Variants in NRAP observed in about 807,000 individuals in gnomAD.
NRAP encodes the protein nebulin-related-anchoring protein.
NRAP carries 189 observed loss-of-function variants against 225.9 expected under a neutral mutation model. That is an observed-to-expected ratio of 0.84 (90% CI 0.74 to 0.94). The LOEUF (loss-of-function observed/expected upper bound fraction) is 0.94. Ranked by LOEUF, NRAP falls within the 40% of genes least tolerant of loss-of-function variation. NRAP has a pLI of 0.00. For synonymous variants in NRAP, 769 were observed against 790.7 expected (o/e 0.97, Z 0.46); for missense variants, 2,176 against 2,168.7 (o/e 1.00, Z -0.07).
intron 31 of NRAP, 46 bp downstream of exon 31, chr10:113,610,413 T>C (rs779453960): frequency 2.3e-6 from 2 of 886,428 alleles, no homozygotes; most frequent in Non-Finnish European, 3.8e-6. Flanking sequence ...GATTATCCTC[T>C]GCTGTGGAAA....
In NRAP at chr10:113,650,044, T is replaced by C; in HGVS notation, c.881A>G (p.Tyr294Cys). The change falls in exon 9 of 42, where the codon TAT becomes TGT. Residue 294 changes from tyrosine (Y) to cysteine (C), a missense_variant. Tyr to Cys is a radical substitution (Grantham distance 194, BLOSUM62 -2). This residue lies in a region of NRAP where 1,708 missense variants were observed against 1,695.5 expected (regional missense o/e 1.01). Coordinates refer to ENST00000359988, the MANE Select transcript of NRAP (RefSeq NM_198060.4). ...GILTRECADQ[Y>C]GQGYPEEYEE... ...GATCATTTTATCACATACCTGGCCA[T>C]ATTGGTCTGCACATTCCCTTGTCAA... 1 of 1,577,776 alleles carries C rather than the reference T, an allele frequency of 6.3e-7. No homozygotes were observed. Among genetic ancestry groups the C allele is most frequent in the Non-Finnish European group, 8.7e-7 (1 of 1,147,040 alleles).
In NRAP at chr10:113,647,079, G is replaced by T. The variant is rs750300729; in HGVS notation, c.889-52C>A. On this transcript the variant is annotated intron_variant, in intron 9 of 41. Coordinates refer to ENST00000359988, the MANE Select transcript of NRAP (RefSeq NM_198060.4). ...GAGTAATGCTTCCCTCCCCAGATGGGTGGGGTTCAGCAATGGTCACTCATA... is the reference window on the plus strand; with the variant it reads ...GAGTAATGCTTCCCTCCCCAGATGGTTGGGGTTCAGCAATGGTCACTCATA... The T allele has an allele frequency of 6.9e-6, 8 of 1,161,716 alleles. No individual in the cohort carries two copies. The Admixed American group carries it at 1.3e-4, about 20-fold the overall frequency. 72.0% of individuals were successfully genotyped at this position (1,161,716 alleles called of 1,614,324 possible). A position where few individuals can be genotyped will look rare whatever the true frequency, so the allele number is the denominator to read the frequency against.
chr10:113,612,726 C>T (rs1253817522), intron 29 of NRAP, among the ~76,000 whole-genome samples: 1 of 152,182 alleles, frequency 6.6e-6, no homozygotes, highest in Non-Finnish European at 1.5e-5. Flanking sequence ...CAGTGATTCC[C>T]TTGCTCAAAT....
chr10:113,589,925 A>C, intron 40 of NRAP, 128 bp from the exon 41 acceptor site: 1 of 1,027,732 alleles, frequency 9.7e-7, no homozygotes, highest in Non-Finnish European at 1.4e-6. Context: ...TAAAGCCAGA[A>C]CAAGGGGAAC....
intron 22 of NRAP, 83 bp downstream of exon 22, chr10:113,624,743 G>A: frequency 1.1e-6 from 1 of 907,896 alleles, no homozygotes; most frequent in Non-Finnish European, 1.8e-6. Flanking sequence ...CAGACACTAT[G>A]CCATGGCTGG....
intron 9 of NRAP, among the ~76,000 whole-genome samples, chr10:113,647,458 A>G (rs980635188): frequency 6.7e-6 from 1 of 150,306 alleles, no homozygotes; most frequent in Non-Finnish European, 1.5e-5. Flanking sequence ...CCCCGGTGGT[A>G]CTGCCTCCCC....
chr10:113,663,307 A>G, intron 2 of NRAP, 45 bp downstream of exon 2: 4 of 1,171,234 alleles, frequency 3.4e-6, no homozygotes, highest in Non-Finnish European at 5.1e-6. Context: ...TTGTTGAAAA[A>G]CAAATAAAAC....
chr10:113,624,889 A>G lies in NRAP; in HGVS notation c.2286T>C (p.Tyr762=). 6.2e-7 allele frequency: 1 copy of G among 1,614,044 alleles called. No homozygotes were observed. Among genetic ancestry groups the G allele is most frequent in the Non-Finnish European group, 8.5e-7 (1 of 1,179,952 alleles). The change falls in exon 22 of 42, where the codon TAT becomes TAC. Residue 762 remains tyrosine, a synonymous_variant. Coordinates refer to ENST00000359988, the MANE Select transcript of NRAP (RefSeq NM_198060.4). ...KAGNEQSVHQ[Y]TISKDEPLFL... ...AGAGAGGCTCGTCTTTGCTGATGGTATACTGATGGACAGACTGCTCATTTC... is the reference window on the plus strand; with the variant it reads ...AGAGAGGCTCGTCTTTGCTGATGGTGTACTGATGGACAGACTGCTCATTTC...
In NRAP at chr10:113,662,777, T is replaced by C; in HGVS notation, c.168-11A>G. The C allele has an allele frequency of 7.0e-7, 1 of 1,418,818 alleles. No individual in the cohort carries two copies. The highest frequency in any genetic ancestry group is 9.9e-7 in the Non-Finnish European group (1 of 1,007,828). The allele number at this position is 1,418,818 out of a possible 1,614,324, so 87.9% of individuals were successfully genotyped here. On this transcript the variant is annotated splice_polypyrimidine_tract_variant and intron_variant, in intron 2 of 41. Transcript: ENST00000359988. ...TTCTTAGGGTTATGGCTACAACAAA[T>C]AGGTATAAATCAAAATTAGAAATGT... is the stretch of plus-strand genomic sequence containing the variant.
chr10:113,589,766 C>CGTGT lies in NRAP; in HGVS notation c.4987_4988insACAC (p.Arg1663AsnfsTer57). On this transcript the variant is annotated frameshift_variant, in exon 41 of 42. Transcript: ENST00000359988. LOFTEE classifies it high-confidence loss of function. The stretch of plus-strand genomic sequence containing the variant: ...GCCAGGAGGGGTCCAGCCAACACCT[C>CGTGT]TGGTCAGGTTCAAGTCTGATTTATA... 4 of 1,614,128 alleles carry CGTGT rather than the reference C, an allele frequency of 2.5e-6. No individual in the cohort carries two copies. Among genetic ancestry groups the CGTGT allele is most frequent in the Non-Finnish European group, 3.4e-6 (4 of 1,180,022 alleles).
intron 3 of NRAP, among the ~76,000 whole-genome samples, chr10:113,657,911 G>T (rs1850406549): frequency 6.6e-6 from 1 of 152,200 alleles, no homozygotes; most frequent in South Asian, 2.1e-4. Flanking sequence ...TTTTAGTCAT[G>T]TAACCATCAC....
chr10:113,608,336 C>T (rs1033049081), intron 32 of NRAP, 78 bp downstream of exon 32: 3 of 884,670 alleles, frequency 3.4e-6, no homozygotes, highest in African/African-American at 1.7e-5. Flanking sequence ...TCTTTCTCAC[C>T]CCAAACACAT....
chr10:113,603,565 G>A (rs1315510353), intron 35 of NRAP, among the ~76,000 whole-genome samples: 1 of 152,132 alleles, frequency 6.6e-6, no homozygotes, highest in Non-Finnish European at 1.5e-5. Flanking sequence ...AAAAGCAAAG[G>A]CGAGCAGTCA....
chr10:113,612,574 G>C, intron 29 of NRAP, 143 bp from the exon 30 acceptor site: 1 of 658,316 alleles, frequency 1.5e-6, no homozygotes, highest in East Asian at 2.7e-5. Context: ...TTCTTGCAGA[G>C]ACTGGCCTAA....
chr10:113,605,480 C>G (rs1454603265), intron 34 of NRAP, among the ~76,000 whole-genome samples: 1 of 152,192 alleles, frequency 6.6e-6, no homozygotes, highest in African/African-American at 2.4e-5. Flanking sequence ...AGAAGACAGG[C>G]AGTCATGCAT....
At chr10:113,595,771 CTGAAA>C in intron 37 of NRAP, 44 bp from the exon 38 acceptor site, 2 of 1,330,748 alleles carry the variant, frequency 1.5e-6, no homozygotes, top group Non-Finnish European at 2.2e-6. Context: ...ACTGTGTGGG[CTGAAA>C]CCACAGGGGA....
At chr10:113,647,675 G>A (rs3121484) in intron 9 of NRAP, among the ~76,000 whole-genome samples, 16,306 of 92,756 alleles carry the variant, frequency 0.18, 2,817 homozygotes, top group South Asian at 0.21. Flanking sequence ...CCCCGGTGGT[G>A]CTGTCTCCCC....
chr10:113,641,521 G>A (rs1451438667), intron 12 of NRAP, 49 bp from the exon 13 acceptor site: 1 of 1,150,788 alleles, frequency 8.7e-7, no homozygotes, highest in Non-Finnish European at 1.3e-6. Context: ...TTCACAAGTA[G>A]TTGAAGATAA....
intron 14 of NRAP, among the ~76,000 whole-genome samples, chr10:113,634,693 T>C (rs535557565): frequency 6.6e-6 from 1 of 152,330 alleles, no homozygotes; most frequent in East Asian, 1.9e-4. Flanking sequence ...ATTCTGTGCC[T>C]AGGGCTCATT....
Sources: allele counts gnomAD v4.1 joint callset (sites outside exome capture counted in the v4.1 genomes callset), GRCh38; gene constraint gnomAD v4.1.1; regional missense constraint gnomAD v4.1.1; transcripts MANE v1.5; gene names NCBI Gene and HGNC (gene_info 2026-07-23, HGNC 2026-07-21).